RABL3: variants seen among roughly 807,000 people sequenced by gnomAD.
RABL3 encodes the protein rab-like protein 3.
In RABL3, 31 loss-of-function variants were observed where a neutral mutation model predicts 31.8. The observed-to-expected ratio is 0.97, with a 90% CI of 0.73 to 1.31. RABL3 has a LOEUF of 1.31. Among genes scored for constraint, RABL3 ranks in the 40% most tolerant of loss-of-function variants. The pLI, the probability that RABL3 is intolerant of heterozygous loss-of-function variation, is 0.00. For synonymous variants in RABL3, 97 were observed against 99.9 expected (o/e 0.97, Z 0.18); for missense variants, 263 against 279.6 (o/e 0.94, Z 0.42).
At chr3:120,705,955 C>T in intron 4 of RABL3, 45 bp downstream of exon 4, 1 of 1,120,482 alleles carries the variant, frequency 8.9e-7, no homozygotes. Flanking sequence ...AAGTACATTC[C>T]TGTGATTGCT....
chr3:120,685,669 T>C lies in RABL3; in HGVS notation c.*4154A>G, dbSNP rs1456856998. On this transcript the variant is annotated 3_prime_UTR_variant, in exon 8 of 8. Coordinates refer to ENST00000273375, the MANE Select transcript of RABL3 (RefSeq NM_173825.5). ...AGTGGATCAGTTCATTAAGGTGAGA[T>C]CAGGTTGAGGCAGTCAAAGATGCGC... Among the ~76,000 whole-genome samples the C allele has an allele frequency of 6.6e-6, 1 of 152,090 alleles. No homozygotes were observed. The highest frequency in any genetic ancestry group is 2.4e-5 in the African/African-American group (1 of 41,404).
intron 2 of RABL3, among the ~76,000 whole-genome samples, chr3:120,728,030 T>C (rs902400930): frequency 2.0e-5 from 3 of 152,128 alleles, no homozygotes; most frequent in Non-Finnish European, 4.4e-5. Context: ...GAAACAAAGA[T>C]GCTTGTTGGT....
intron 2 of RABL3, among the ~76,000 whole-genome samples, chr3:120,724,107 G>C (rs931262045): frequency 2.0e-5 from 3 of 152,122 alleles, no homozygotes; most frequent in Non-Finnish European, 4.4e-5. Flanking sequence ...AAGGTCTCAG[G>C]ATACAAAATC....
At chr3:120,725,591 T>A (rs1708808523) in intron 2 of RABL3, among the ~76,000 whole-genome samples, 1 of 152,196 alleles carries the variant, frequency 6.6e-6, no homozygotes, top group Non-Finnish European at 1.5e-5. Flanking sequence ...ATGTGGCACA[T>A]ATACACCATG....
At chr3:120,692,309 C>T (rs1453158057) in intron 6 of RABL3, among the ~76,000 whole-genome samples, 1 of 152,136 alleles carries the variant, frequency 6.6e-6, no homozygotes, top group East Asian at 1.9e-4. Flanking sequence ...CGCCATTCTC[C>T]TGCCTCAGCC....
intron 1 of RABL3, among the ~76,000 whole-genome samples, chr3:120,736,642 A>C (rs1382221737): frequency 1.3e-5 from 2 of 152,078 alleles, no homozygotes; most frequent in African/African-American, 2.4e-5. Flanking sequence ...GGTCTTTACA[A>C]TTTGGCATGT....
At chr3:120,705,695 A>G (rs888849839) in intron 4 of RABL3, among the ~76,000 whole-genome samples, 2 of 152,244 alleles carry the variant, frequency 1.3e-5, no homozygotes, top group Non-Finnish European at 2.9e-5. Context: ...TAAATGTTTT[A>G]CTATAAAAAT....
intron 1 of RABL3, among the ~76,000 whole-genome samples, chr3:120,741,475 A>G (rs530411253): frequency 2.8e-4 from 42 of 152,344 alleles, no homozygotes; most frequent in Non-Finnish European, 4.6e-4. Flanking sequence ...CTTTGCTCAC[A>G]ACACATGCTC....
At chr3:120,729,979 A>G (rs143187414) in intron 2 of RABL3, among the ~76,000 whole-genome samples, 9 of 152,314 alleles carry the variant, frequency 5.9e-5, no homozygotes, top group African/African-American at 2.2e-4. Context: ...AAAAAACACA[A>G]AAAATATTTT....
At chr3:120,731,369 T>G (rs1487512047) in intron 1 of RABL3, among the ~76,000 whole-genome samples, 1 of 152,100 alleles carries the variant, frequency 6.6e-6, no homozygotes, top group Non-Finnish European at 1.5e-5. Flanking sequence ...TTGTCCCACA[T>G]AGTGATTTAA....
chr3:120,696,982 A>T (rs1208506743), intron 5 of RABL3, among the ~76,000 whole-genome samples: 1 of 152,206 alleles, frequency 6.6e-6, no homozygotes, highest in Non-Finnish European at 1.5e-5. Context: ...GTGTTCATAA[A>T]CATTGATTCA....
chr3:120,726,301 T>C (rs1708820203), intron 2 of RABL3, among the ~76,000 whole-genome samples: 1 of 152,230 alleles, frequency 6.6e-6, no homozygotes, highest in Non-Finnish European at 1.5e-5. Context: ...TCAAATTTAA[T>C]TTTGTTTGCT....
At chr3:120,709,120 A>G (rs1021941868) in intron 3 of RABL3, among the ~76,000 whole-genome samples, 22 of 152,026 alleles carry the variant, frequency 1.4e-4, no homozygotes, top group African/African-American at 5.1e-4. Flanking sequence ...CAGTAAAAAC[A>G]GGTTTTAAAA....
intron 1 of RABL3, among the ~76,000 whole-genome samples, chr3:120,734,159 T>C (rs1213795718): frequency 6.6e-6 from 1 of 152,246 alleles, no homozygotes; most frequent in Admixed American, 6.5e-5. Context: ...TTCATGATAT[T>C]GATTCTTCCT....
At chr3:120,737,473 G>A (rs777214695) in intron 1 of RABL3, among the ~76,000 whole-genome samples, 2 of 152,134 alleles carry the variant, frequency 1.3e-5, no homozygotes, top group Non-Finnish European at 2.9e-5. Flanking sequence ...TTTGAACTTC[G>A]TCCTTTAGCT....
chr3:120,737,964 C>T (rs1299651298), intron 1 of RABL3, among the ~76,000 whole-genome samples: 1 of 152,224 alleles, frequency 6.6e-6, no homozygotes, highest in African/African-American at 2.4e-5. Flanking sequence ...AGTTAGGCTA[C>T]TCGGGGGTCA....
chr3:120,724,187 C>T (rs1230708398), intron 2 of RABL3, among the ~76,000 whole-genome samples: 1 of 152,184 alleles, frequency 6.6e-6, no homozygotes, highest in East Asian at 1.9e-4. Context: ...CATGAGTGAA[C>T]TCCCATTCAC....
chr3:120,731,903 A>G (rs1419360185), intron 1 of RABL3, among the ~76,000 whole-genome samples: 1 of 152,064 alleles, frequency 6.6e-6, no homozygotes, highest in Non-Finnish European at 1.5e-5. Context: ...AATAAATTTT[A>G]AAGAAATTAG....
chr3:120,713,513 A>G (rs556370196), intron 2 of RABL3, among the ~76,000 whole-genome samples: 1 of 152,294 alleles, frequency 6.6e-6, no homozygotes, highest in African/African-American at 2.4e-5. Context: ...ACCCAACATG[A>G]TGGGAGGTAA....
Sources: gnomAD v4.1 joint callset for allele counts (sites outside exome capture counted in the v4.1 genomes callset) on GRCh38, gnomAD v4.1.1 for gene constraint, MANE v1.5 for transcripts, NCBI Gene and HGNC (gene_info 2026-07-23, HGNC 2026-07-21) for gene names.